The following COL21A1 variants were observed in gnomAD, a reference collection of about 807,000 sequenced individuals.
COL21A1 encodes collagen type XXI alpha 1 chain, also known as collagen alpha-1(XXI) chain.
COL21A1 carries 149 observed loss-of-function variants against 137.9 expected under a neutral mutation model. That is an observed-to-expected ratio of 1.08 (90% CI 0.95 to 1.24). The LOEUF is 1.24. COL21A1 is among the 50% of genes most tolerant of loss of function. COL21A1 has a pLI of 0.00. For missense variants in COL21A1, 1,167 were observed against 1,158.4 expected (o/e 1.01, Z -0.11); for synonymous variants, 456 against 391.5 (o/e 1.16, Z -1.95).
rs188045195 is a variant in COL21A1, at chr6:56,226,497, C to T, written c.-39+20890G>A. On this transcript the variant is annotated intron_variant, in intron 1 of 29. Coordinates refer to ENST00000244728, the MANE Select transcript of COL21A1 (RefSeq NM_030820.4). ...TCAATATAAAATAAACCAGTTCCTC[C>T]ATTATATTAATGGTATCTGGCTTTT... Among the ~76,000 whole-genome samples, 8 of 152,092 alleles carry T rather than the reference C, an allele frequency of 5.3e-5. No individual in the cohort carries two copies. In the East Asian group the frequency reaches 1.6e-3, roughly 30 times the overall value.
intron 1 of COL21A1, among the ~76,000 whole-genome samples, chr6:56,278,760 A>G (rs1582752190): frequency 6.6e-6 from 1 of 152,196 alleles, no homozygotes; most frequent in Admixed American, 6.5e-5. Context: ...GTGGTGAATG[A>G]TTGAACCTGT....
chr6:56,230,012 G>A (rs1306144055), intron 1 of COL21A1, among the ~76,000 whole-genome samples: 2 of 151,660 alleles, frequency 1.3e-5, no homozygotes, highest in Non-Finnish European at 2.9e-5. Flanking sequence ...AGAATGGAAG[G>A]GAACAGAAAA....
At chr6:56,147,532 C>T (rs1379696019) in intron 10 of COL21A1, among the ~76,000 whole-genome samples, 1 of 151,878 alleles carries the variant, frequency 6.6e-6, no homozygotes, top group African/African-American at 2.4e-5. Flanking sequence ...CAACCGAGAA[C>T]TCTAATAGTA....
chr6:56,349,219 G>T (rs1229700488), intron 1 of COL21A1, among the ~76,000 whole-genome samples: 1 of 152,052 alleles, frequency 6.6e-6, no homozygotes, highest in East Asian at 1.9e-4. Context: ...ATTTATGGTT[G>T]GACAACTTAA....
chr6:56,121,287 A>G (rs1359122772), intron 16 of COL21A1, among the ~76,000 whole-genome samples: 2 of 151,980 alleles, frequency 1.3e-5, no homozygotes, highest in Non-Finnish European at 2.9e-5. Context: ...GCCAATCTGA[A>G]AAGGCTACAT....
chr6:56,393,329 G>A (rs1287673104), intron 1 of COL21A1, among the ~76,000 whole-genome samples: 6 of 152,040 alleles, frequency 3.9e-5, no homozygotes, highest in Admixed American at 2.6e-4. Flanking sequence ...CATCTCTTTC[G>A]ATGTACAAAA....
At chr6:56,095,340 G>T (rs1277333545) in intron 17 of COL21A1, among the ~76,000 whole-genome samples, 1 of 151,918 alleles carries the variant, frequency 6.6e-6, no homozygotes, top group African/African-American at 2.4e-5. Context: ...TATCTTACCC[G>T]CATCTAATGG....
chr6:56,130,344 A>C (rs1773459308), intron 12 of COL21A1, among the ~76,000 whole-genome samples: 1 of 151,214 alleles, frequency 6.6e-6, no homozygotes, highest in Non-Finnish European at 1.5e-5. Flanking sequence ...GAGAAAGAGG[A>C]CTGGAGTTAA....
chr6:56,098,817 G>C (rs538042220), intron 17 of COL21A1, among the ~76,000 whole-genome samples: 2 of 144,722 alleles, frequency 1.4e-5, no homozygotes, highest in South Asian at 4.3e-4. Flanking sequence ...CCAGGTTCAA[G>C]CGATTCTCCT....
chr6:56,138,302 TA>T (rs1774152194), intron 12 of COL21A1, among the ~76,000 whole-genome samples: 1 of 149,544 alleles, frequency 6.7e-6, no homozygotes, highest in African/African-American at 2.4e-5. Flanking sequence ...ATTATTACTA[TA>T]ATTATAAAAT....
chr6:56,176,778 G>A (rs1476175858), intron 3 of COL21A1, among the ~76,000 whole-genome samples: 1 of 151,548 alleles, frequency 6.6e-6, no homozygotes, highest in Non-Finnish European at 1.5e-5. Flanking sequence ...TACACTTAAA[G>A]ATTTGTTAGA....
intron 1 of COL21A1, among the ~76,000 whole-genome samples, chr6:56,226,867 AG>A (rs1781232120): frequency 2.2e-5 from 2 of 88,908 alleles, no homozygotes; most frequent in South Asian, 4.7e-4. Context: ...CAGGTCACTG[AG>A]AAGAATTAAG....
chr6:56,117,066 A>G (rs1046708284), intron 16 of COL21A1, among the ~76,000 whole-genome samples: 1 of 152,046 alleles, frequency 6.6e-6, no homozygotes, highest in Non-Finnish European at 1.5e-5. Flanking sequence ...CAGAAAACAA[A>G]TAACAACATA....
chr6:56,253,364 C>T (rs1430453936), intron 1 of COL21A1, among the ~76,000 whole-genome samples: 2 of 152,160 alleles, frequency 1.3e-5, no homozygotes, highest in East Asian at 3.9e-4. Flanking sequence ...GAACCTTTGA[C>T]CCAAATGGGG....
At chr6:56,300,670 A>G (rs931323205) in intron 1 of COL21A1, among the ~76,000 whole-genome samples, 1 of 152,188 alleles carries the variant, frequency 6.6e-6, no homozygotes, top group Admixed American at 6.6e-5. Context: ...GAACCATACA[A>G]ACAGGCTTTG....
In COL21A1 at chr6:56,238,588, T is replaced by G. The variant is rs75810059; in HGVS notation, c.-39+8799A>C. ...ATTACAGCAAAGACTGACAGCCTCATGGACCCCAGAATCAACACCTACAGC... is the reference window on the plus strand; with the variant it reads ...ATTACAGCAAAGACTGACAGCCTCAGGGACCCCAGAATCAACACCTACAGC... On this transcript the variant is annotated intron_variant, in intron 1 of 29. Coordinates refer to ENST00000244728, the MANE Select transcript of COL21A1 (RefSeq NM_030820.4). 8.2e-3 allele frequency among the ~76,000 whole-genome samples: 1,255 copies of G among 152,122 alleles called. 21 individuals carry two copies. The highest frequency in any genetic ancestry group is 0.029 in the African/African-American group (1,209 of 41,488).
chr6:56,322,884 CAAAA>C (rs386407164), intron 1 of COL21A1, among the ~76,000 whole-genome samples: 3 of 129,800 alleles, frequency 2.3e-5, no homozygotes, highest in African/African-American at 9.2e-5. Flanking sequence ...CCTCTGCTAT[CAAAA>C]AAAAAAAAAA....
intron 1 of COL21A1, among the ~76,000 whole-genome samples, chr6:56,191,384 A>G (rs1412193479): frequency 1.3e-5 from 2 of 151,826 alleles, no homozygotes; most frequent in Non-Finnish European, 2.9e-5. Context: ...CAGGAGTTCA[A>G]GACCAGACTG....
intron 1 of COL21A1, among the ~76,000 whole-genome samples, chr6:56,271,492 A>C (rs1582747205): frequency 6.6e-6 from 1 of 152,248 alleles, no homozygotes; most frequent in East Asian, 1.9e-4. Context: ...AGGGAAGCAG[A>C]GCATAAAGAT....
Sources: allele counts gnomAD v4.1 joint callset (sites outside exome capture counted in the v4.1 genomes callset), GRCh38; gene constraint gnomAD v4.1.1; transcripts MANE v1.5; gene names NCBI Gene and HGNC (gene_info 2026-07-23, HGNC 2026-07-21).